Variants in BCR observed in about 807,000 individuals in gnomAD.
BCR encodes the protein BCR activator of RhoGEF and GTPase.
Under a neutral mutation model 138.6 loss-of-function variants are expected in BCR, and 58 were observed. That is an observed-to-expected ratio of 0.42 (90% CI 0.34 to 0.52). BCR has a LOEUF of 0.52. Among genes scored for constraint, BCR ranks in the 20% least tolerant of loss-of-function variants. The pLI, the probability that BCR is intolerant of heterozygous loss-of-function variation, is 0.06. For synonymous variants in BCR, 786 were observed against 730.1 expected (o/e 1.08, Z -1.23); for missense variants, 1,599 against 1,727.2 (o/e 0.93, Z 1.32).
intron 9 of BCR, among the ~76,000 whole-genome samples, 183 bp from the exon 10 acceptor site, chr22:23,284,850 T>A (rs1602103599): frequency 6.6e-6 from 1 of 152,198 alleles, no homozygotes; most frequent in Non-Finnish European, 1.5e-5. Flanking sequence ...GAGTGTCTGT[T>A]CCCAGGAATC....
At chr22:23,261,202 G>A in intron 3 of BCR, 148 bp downstream of exon 3, 2 of 1,233,290 alleles carry the variant, frequency 1.6e-6, no homozygotes, top group Admixed American at 2.2e-5. Context: ...AGACTGAGTT[G>A]CCAAACCAAG....
rs989196054 is a variant in BCR at position 23,290,116 on chromosome 22, A to T, written c.2708-223A>T. 9 of 612,116 alleles carry T rather than the reference A, an allele frequency of 1.5e-5. No homozygotes were observed. In the South Asian group the frequency reaches 1.6e-4, roughly 11 times the overall value. The allele number at this position is 612,116 out of a possible 1,614,324, so 37.9% of individuals were successfully genotyped here. A position where few individuals can be genotyped will look rare whatever the true frequency, so the allele number is the denominator to read the frequency against. ...GTCCTTGGAACCTTATTACACTTCG[A>T]GTCACTGGTTTGCCTGTATTGTGAA... On this transcript the variant is annotated intron_variant, in intron 13 of 22. Transcript: ENST00000305877.
chr22:23,213,046 G>A (rs915054045), intron 1 of BCR, among the ~76,000 whole-genome samples: 7 of 152,174 alleles, frequency 4.6e-5, no homozygotes, highest in African/African-American at 1.4e-4. Flanking sequence ...GCTTCCTCAC[G>A]GAGTGCTGCT....
At chr22:23,252,427 C>CTTTTTTTTTTTTTTTTTTTTTTTT (rs371986661) in intron 1 of BCR, among the ~76,000 whole-genome samples, 1 of 119,496 alleles carries the variant, frequency 8.4e-6, no homozygotes, top group African/African-American at 3.5e-5. Context: ...TTTTTCTTTT[C>CTTTTTTTTTTTTTTTTTTTTTTTT]TTTTCTTTTT....
At chr22:23,248,643 G>C (rs2073183811) in intron 1 of BCR, among the ~76,000 whole-genome samples, 1 of 152,136 alleles carries the variant, frequency 6.6e-6, no homozygotes, top group Non-Finnish European at 1.5e-5. Context: ...GAGGGTTTCA[G>C]ATTTCACTAG....
In BCR at chr22:23,273,075, C is replaced by T. The variant is rs779839582; in HGVS notation, c.1922-6C>T. 4 of 1,612,838 alleles carry T rather than the reference C, an allele frequency of 2.5e-6. No homozygotes were observed. In the Admixed American group the frequency reaches 6.7e-5, roughly 27 times the overall value. On this transcript the variant is annotated splice_region_variant and splice_polypyrimidine_tract_variant and intron_variant, in intron 6 of 22. Coordinates refer to ENST00000305877, the MANE Select transcript of BCR (RefSeq NM_004327.4). ...AACCTCTCTCACCTCCCCTCTCTCT[C>T]CACAGCTCTGCTCTACAAGCCTGTG...
chr22:23,234,895 T>C lies in BCR; in HGVS notation c.1280-18904T>C, dbSNP rs901698490. 6.3e-5 allele frequency among the ~76,000 whole-genome samples: 9 copies of C among 143,128 alleles called. 1 individual carries two copies. The highest frequency in any genetic ancestry group is 2.2e-4 in the African/African-American group (9 of 40,640). The allele number at this position is 143,128 out of a possible 152,430, so 93.9% of individuals were successfully genotyped here. A position where few individuals can be genotyped will look rare whatever the true frequency, so the allele number is the denominator to read the frequency against. On this transcript the variant is annotated intron_variant, in intron 1 of 22. Transcript: ENST00000305877. ...GGGCCACCCGGAGCCTACAGGAAAGTTGGGGAGTAGAGGGGCATGTGTTGT... is the reference window on the plus strand; with the variant it reads ...GGGCCACCCGGAGCCTACAGGAAAGCTGGGGAGTAGAGGGGCATGTGTTGT...
At chr22:23,269,654 A>G (rs1316073450) in intron 5 of BCR, among the ~76,000 whole-genome samples, 2 of 152,136 alleles carry the variant, frequency 1.3e-5, no homozygotes, top group African/African-American at 2.4e-5. Context: ...CAGGCTCTGC[A>G]TGTATCCGGG....
intron 1 of BCR, among the ~76,000 whole-genome samples, chr22:23,190,826 C>T (rs766550539): frequency 3.9e-5 from 6 of 152,046 alleles, no homozygotes; most frequent in African/African-American, 9.7e-5. Context: ...GCTAAAACTT[C>T]GTGTGCTGCC....
chr22:23,268,551 T>C (rs368093227), intron 5 of BCR, 36 bp downstream of exon 5: 4 of 1,539,558 alleles, frequency 2.6e-6, no homozygotes, highest in Non-Finnish European at 3.6e-6. Flanking sequence ...GGTGCACCGC[T>C]GACTCCCACC....
chr22:23,279,162 C>T (rs1602097001), intron 8 of BCR, among the ~76,000 whole-genome samples: 1 of 152,222 alleles, frequency 6.6e-6, no homozygotes, highest in South Asian at 2.1e-4. Flanking sequence ...TTAGCTGCTA[C>T]CAGCCACCCT....
In BCR at chr22:23,286,029, G is replaced by A. The variant is rs142257458; in HGVS notation, c.2406+828G>A. 1.9e-3 allele frequency among the ~76,000 whole-genome samples: 282 copies of A among 152,336 alleles called. 2 individuals are homozygous for A. Among genetic ancestry groups the A allele is most frequent in the African/African-American group, 6.4e-3 (265 of 41,572 alleles). ...TGATACCCAGGCTGCGTCCTTTGCC[G>A]TGTGGTTCCATTACATGGGTGAAGT... On this transcript the variant is annotated intron_variant, in intron 10 of 22. Coordinates refer to ENST00000305877, the MANE Select transcript of BCR (RefSeq NM_004327.4).
chr22:23,305,116 A>G (rs1037095750), intron 16 of BCR, among the ~76,000 whole-genome samples: 15 of 38,396 alleles, frequency 3.9e-4, no homozygotes, highest in Non-Finnish European at 6.5e-4. Context: ...TCCGCCTTAA[A>G]AAAAAAAAAA....
chr22:23,283,820 T>C (rs1184436715), intron 8 of BCR, 157 bp from the exon 9 acceptor site: 10 of 974,960 alleles, frequency 1.0e-5, no homozygotes, highest in Non-Finnish European at 1.5e-5. Context: ...CAAAACGTTC[T>C]GGAAAGTGGG....
rs1022625676 is a variant in BCR, at chr22:23,186,386, G to T, written c.1279+4147G>T. On this transcript the variant is annotated intron_variant, in intron 1 of 22. Coordinates refer to ENST00000305877, the MANE Select transcript of BCR (RefSeq NM_004327.4). The stretch of plus-strand genomic sequence containing the variant: ...TAACCCTTTTAAATTGTTTCTTTGG[G>T]TAAGGCCAGTCAAGTGAAGCAGGGG... 2.0e-5 allele frequency among the ~76,000 whole-genome samples: 3 copies of T among 152,180 alleles called. 1 individual carries two copies. The highest frequency in any genetic ancestry group is 4.4e-5 in the Non-Finnish European group (3 of 68,028).
intron 1 of BCR, among the ~76,000 whole-genome samples, chr22:23,228,238 T>C (rs2072915767): frequency 6.6e-6 from 1 of 152,200 alleles, no homozygotes; most frequent in Non-Finnish European, 1.5e-5. Flanking sequence ...TAAATTTGCC[T>C]CCAAGCACTG....
intron 1 of BCR, among the ~76,000 whole-genome samples, chr22:23,188,910 A>G (rs2072380725): frequency 6.6e-6 from 1 of 152,176 alleles, no homozygotes; most frequent in African/African-American, 2.4e-5. Flanking sequence ...TCTGTCACCT[A>G]GGCTGGAGTG....
chr22:23,257,487 C>G (rs978262999), intron 2 of BCR, among the ~76,000 whole-genome samples: 4 of 152,260 alleles, frequency 2.6e-5, no homozygotes, highest in African/African-American at 9.6e-5. Flanking sequence ...CCGCCTGGTA[C>G]TCATAGTAGC....
intron 19 of BCR, 101 bp from the exon 20 acceptor site, chr22:23,312,786 G>A (rs1705106140): frequency 7.0e-7 from 1 of 1,427,698 alleles, no homozygotes; most frequent in African/African-American, 1.4e-5. Flanking sequence ...GACCCGCACA[G>A]TGGTCAGCAT....
Sources: allele counts gnomAD v4.1 joint callset (sites outside exome capture counted in the v4.1 genomes callset), GRCh38; gene constraint gnomAD v4.1.1; transcripts MANE v1.5; gene names NCBI Gene and HGNC (gene_info 2026-07-23, HGNC 2026-07-21).